RPH3AL: variants seen among roughly 807,000 people sequenced by gnomAD.
RPH3AL encodes the protein rabphilin 3A like (without C2 domains), also known as rab effector Noc2.
A neutral mutation model predicts 43.1 loss-of-function variants in RPH3AL; 38 were observed. The observed-to-expected ratio is 0.88, with a 90% confidence interval of 0.68 to 1.15. The LOEUF (loss-of-function observed/expected upper bound fraction) is 1.15, where lower values mean the gene tolerates loss of function less well. Among genes scored for constraint, RPH3AL ranks in the 50% most tolerant of loss-of-function variants. The probability of loss-of-function intolerance (pLI) is 0.00; values close to 1 mark genes in which losing one functional copy is unlikely to be tolerated. For missense variants in RPH3AL, 462 were observed against 423.2 expected, an observed-to-expected ratio of 1.09 and a Z score of -0.81; for synonymous variants, 189 against 176.3, an observed-to-expected ratio of 1.07 and a Z score of -0.57.
chr17:242,964 T>C (rs2041605655), intron 7 of RPH3AL, among the ~76,000 whole-genome samples: 1 of 140,564 alleles, frequency 7.1e-6, no homozygotes. Context: ...CCTTCCTCTA[T>C]TGACTACCTT....
intron 1 of RPH3AL, among the ~76,000 whole-genome samples, chr17:343,703 T>C (rs1314550230): frequency 2.0e-5 from 3 of 152,146 alleles, no homozygotes; most frequent in South Asian, 2.1e-4. Flanking sequence ...TCTGGAGACA[T>C]AGTTGCGGGT....
intron 1 of RPH3AL, among the ~76,000 whole-genome samples, chr17:334,272 A>G (rs1037245652): frequency 7.2e-5 from 11 of 152,244 alleles, no homozygotes; most frequent in Admixed American, 5.9e-4. Context: ...GCCACAGCAC[A>G]GTGAGAAAAA....
intron 1 of RPH3AL, among the ~76,000 whole-genome samples, chr17:352,035 AATCTT>A (rs1020508076): frequency 1.3e-5 from 2 of 152,024 alleles, no homozygotes; most frequent in Admixed American, 6.6e-5. Context: ...GGCCTTCCAA[AATCTT>A]CAAAAATCCC....
At chr17:236,239 C>T (rs1034377875) in intron 7 of RPH3AL, among the ~76,000 whole-genome samples, 1 of 152,246 alleles carries the variant, frequency 6.6e-6, no homozygotes, top group Admixed American at 6.5e-5. Flanking sequence ...GGCTTGAATG[C>T]TGCCATTGAC....
intron 5 of RPH3AL, among the ~76,000 whole-genome samples, chr17:315,187 T>A (rs1555519330): frequency 9.1e-6 from 1 of 110,064 alleles, no homozygotes; most frequent in Non-Finnish European, 1.8e-5. Context: ...TCACCTGTAG[T>A]CCCTGTGCTC....
intron 7 of RPH3AL, among the ~76,000 whole-genome samples, chr17:226,369 G>A (rs1318635361): frequency 1.3e-5 from 2 of 152,202 alleles, no homozygotes; most frequent in Admixed American, 1.3e-4. Flanking sequence ...GACCCCAAAG[G>A]GCCACAGCCG....
intron 7 of RPH3AL, among the ~76,000 whole-genome samples, chr17:243,646 A>T: frequency 8.2e-6 from 1 of 122,542 alleles, no homozygotes; most frequent in African/African-American, 3.2e-5. Context: ...TCCTCTATTG[A>T]TTACCCTTCC....
At chr17:281,930 C>T (rs545130018) in intron 5 of RPH3AL, 76 bp from the exon 6 acceptor site, 20 of 1,065,748 alleles carry the variant, frequency 1.9e-5, no homozygotes, top group South Asian at 1.4e-4. Flanking sequence ...ACAACTGTAA[C>T]GAAGGGACAC....
At chr17:258,132 G>A (rs4890202) in intron 6 of RPH3AL, among the ~76,000 whole-genome samples, 16,535 of 152,244 alleles carry the variant, frequency 0.11, 1,164 homozygotes, top group Non-Finnish European at 0.14. Context: ...GATGGATCAC[G>A]TTTTGTCGTC....
chr17:276,744 T>C (rs1046472808), intron 6 of RPH3AL, among the ~76,000 whole-genome samples: 1 of 152,152 alleles, frequency 6.6e-6, no homozygotes, highest in Non-Finnish European at 1.5e-5. Flanking sequence ...TATCATCTCT[T>C]TCACCATTTC....
intron 7 of RPH3AL, among the ~76,000 whole-genome samples, chr17:241,517 T>C (rs2041532764): frequency 6.6e-6 from 1 of 152,226 alleles, no homozygotes; most frequent in Non-Finnish European, 1.5e-5. Context: ...GTAAAATCTG[T>C]ATCCGTTGGC....
chr17:272,262 C>T (rs891640249), intron 6 of RPH3AL, among the ~76,000 whole-genome samples: 3 of 152,074 alleles, frequency 2.0e-5, no homozygotes, highest in Non-Finnish European at 4.4e-5. Context: ...TGGGTATATA[C>T]CCAAAGGACT....
At position 322,227 on chromosome 17, in the gene RPH3AL, G is replaced by C. The variant is rs1371572448; in HGVS notation, c.78-812C>G. 1 of 152,202 alleles carries C rather than the reference G, an allele frequency of 6.6e-6. No homozygotes were observed. Among genetic ancestry groups the C allele is most frequent in the Non-Finnish European group, 1.5e-5 (1 of 68,102 alleles). 9.4% of individuals were successfully genotyped at this position (152,202 alleles called of 1,614,324 possible). The stretch of plus-strand genomic sequence containing the variant: ...CTCCTGAGGCTGCAAATGGGGCGGG[G>C]GAAGGACTCAAACTCCTTCTATTTT... On this transcript the variant is annotated intron_variant, in intron 3 of 9. Coordinates refer to ENST00000331302, the MANE Select transcript of RPH3AL (RefSeq NM_006987.4). This position sits in a 1 kb window ranked among gnomAD's most constrained non-coding sequence, Gnocchi z 4.0.
At chr17:237,571 T>C (rs1326704717) in intron 7 of RPH3AL, among the ~76,000 whole-genome samples, 4 of 152,146 alleles carry the variant, frequency 2.6e-5, no homozygotes, top group Admixed American at 2.6e-4. Flanking sequence ...TGGGAGCTTT[T>C]TGGTTCCTCT....
At chr17:262,213 G>A (rs770251362) in intron 6 of RPH3AL, among the ~76,000 whole-genome samples, 3 of 152,070 alleles carry the variant, frequency 2.0e-5, no homozygotes, top group East Asian at 1.9e-4. Context: ...AGCCTAAGAC[G>A]TTTCATGTTT....
rs950212985 is a variant in RPH3AL at position 247,527 on chromosome 17, C to T, written c.439-242G>A. 4.5e-5 allele frequency: 22 copies of T among 490,662 alleles called. 3 individuals are homozygous for T. The Admixed American group carries it at 5.2e-4, about 12-fold the overall frequency. 30.4% of individuals were successfully genotyped at this position (490,662 alleles called of 1,614,324 possible). On this transcript the variant is annotated intron_variant, in intron 6 of 9. Coordinates refer to ENST00000331302, the MANE Select transcript of RPH3AL (RefSeq NM_006987.4). Reference sequence around the variant, plus strand: ...TAGAGTTGAGGACTTGCTCTGCTGCCCAGGCTGGAGTGCAGTGGTGCAGTC... The same window carrying T: ...TAGAGTTGAGGACTTGCTCTGCTGCTCAGGCTGGAGTGCAGTGGTGCAGTC...
rs533538724 is a variant in RPH3AL at position 228,039 on chromosome 17, G to A, written c.614-8303C>T. 5.9e-5 allele frequency among the ~76,000 whole-genome samples: 9 copies of A among 152,214 alleles called. No homozygotes were observed. The South Asian group carries it at 1.5e-3, about 25-fold the overall frequency. ...GACGGCTGCTCCACCTGCACACAGG[G>A]TAGGGTCCTTGGCCTGAAGTCCCAC... On this transcript the variant is annotated intron_variant, in intron 7 of 9. Transcript: ENST00000331302.
chr17:252,158 A>G (rs1457083093), intron 6 of RPH3AL, among the ~76,000 whole-genome samples: 15 of 151,744 alleles, frequency 9.9e-5, no homozygotes, highest in Non-Finnish European at 1.6e-4. Context: ...TATTTTTTGT[A>G]GAGATGGGGT....
rs777184439 is a variant in RPH3AL, at chr17:319,506, C to G, written c.265G>C (p.Gly89Arg). 3 of 1,612,386 alleles carry G rather than the reference C, an allele frequency of 1.9e-6. No homozygotes were observed. Among genetic ancestry groups the G allele is most frequent in the Middle Eastern group, 1.7e-4 (1 of 6,058 alleles). ...AGCAGACACTGGGACAGGCCGTTCC[C>G]CATCACATTCCGCCTCATGGTCTCC... The part of the protein sequence containing the change: ...RLETMRRNVM[G>R]NGLSQCLLCG... The change falls in exon 5 of 10, where the codon GGG becomes CGG. Residue 89 changes from glycine to arginine, a missense_variant. Gly to Arg is a moderately radical substitution (Grantham distance 125, BLOSUM62 -2). Coordinates refer to ENST00000331302, the MANE Select transcript of RPH3AL (RefSeq NM_006987.4).
Sources: gnomAD v4.1 joint callset for allele counts (sites outside exome capture counted in the v4.1 genomes callset) on GRCh38, gnomAD v4.1.1 for gene constraint, Gnocchi (gnomAD v3.1) non-coding constraint, MANE v1.5 for transcripts, NCBI Gene and HGNC (gene_info 2026-07-23, HGNC 2026-07-21) for gene names.